The following LRRC8C variants were observed in gnomAD, a reference collection of about 807,000 sequenced individuals.
LRRC8C encodes the protein volume-regulated anion channel subunit LRRC8C.
Under a neutral mutation model 55.3 loss-of-function variants are expected in LRRC8C, and 20 were observed. That is an observed-to-expected ratio of 0.36 (90% confidence interval 0.25 to 0.53). The LOEUF (loss-of-function observed/expected upper bound fraction) is 0.53, where lower values mean the gene tolerates loss of function less well. LRRC8C is among the 20% of genes least tolerant of loss of function. LRRC8C has a pLI of 0.92. For missense variants in LRRC8C, 659 were observed against 951.4 expected, an observed-to-expected ratio of 0.69 and a Z score of 4.04; for synonymous variants, 376 against 360.7, an observed-to-expected ratio of 1.04 and a Z score of -0.48.
chr1:89,663,377 T>A (rs1041232364), intron 1 of LRRC8C, among the ~76,000 whole-genome samples: 3 of 152,058 alleles, frequency 2.0e-5, no homozygotes, highest in Admixed American at 1.3e-4. Flanking sequence ...GAGACCATCC[T>A]GGCTAACACA....
intron 1 of LRRC8C, among the ~76,000 whole-genome samples, chr1:89,651,121 A>T (rs1250221053): frequency 6.6e-6 from 1 of 152,220 alleles, no homozygotes; most frequent in African/African-American, 2.4e-5. Context: ...TCTTGAGGTG[A>T]GCAGGTCTCC....
chr1:89,680,549 C>CTTTTTTTTTTTTTTTTTTTTTTG, intron 1 of LRRC8C, among the ~76,000 whole-genome samples: 1 of 91,870 alleles, frequency 1.1e-5, no homozygotes, highest in Non-Finnish European at 1.9e-5. Flanking sequence ...TGCTTTCATG[C>CTTTTTTTTTTTTTTTTTTTTTTG]TTTTTTTTTT....
chr1:89,674,252 T>A (rs1453594765), intron 1 of LRRC8C, among the ~76,000 whole-genome samples: 1 of 152,192 alleles, frequency 6.6e-6, no homozygotes, highest in East Asian at 1.9e-4. Flanking sequence ...CAATGTAGAT[T>A]TGAGAGACCA....
At chr1:89,631,692 C>G (rs181446324), upstream of LRRC8C, 3 of 151,968 alleles carry the variant, frequency 2.0e-5, no homozygotes, top group African/African-American at 2.4e-5. Context: ...AGGAGGTAAG[C>G]CCGGACCTAA....
At chr1:89,660,098 G>A (rs72712569) in intron 1 of LRRC8C, among the ~76,000 whole-genome samples, 1 of 151,974 alleles carries the variant, frequency 6.6e-6, no homozygotes, top group African/African-American at 2.4e-5. Context: ...GGTGGGCTGT[G>A]TGGGGAAGCC....
intron 1 of LRRC8C, among the ~76,000 whole-genome samples, chr1:89,669,797 T>C (rs1557655507): frequency 6.6e-6 from 1 of 152,188 alleles, no homozygotes. Context: ...ATTAATATGA[T>C]TGTCTGCCCT....
At chr1:89,691,187 A>G (rs1283635580) in intron 2 of LRRC8C, among the ~76,000 whole-genome samples, 1 of 152,210 alleles carries the variant, frequency 6.6e-6, no homozygotes, top group South Asian at 2.1e-4. Flanking sequence ...CACATAAGCA[A>G]TGTTTTCCAA....
chr1:89,685,285 A>AT (rs1657841989), intron 1 of LRRC8C, among the ~76,000 whole-genome samples: 3 of 52,036 alleles, frequency 5.8e-5, no homozygotes, highest in South Asian at 8.1e-4. Context: ...CGCCCGGCTA[A>AT]TTTTTTGTAT....
rs113549553 is a variant in LRRC8C at position 89,663,518 on chromosome 1, C to T, written c.-4-22952C>T. Reference sequence around the variant, plus strand: ...CCGGGAGGCAGAGCTTGCAGTGAGCCGAGATTGCGCCACTGCACTCCAGCC... The same window carrying T: ...CCGGGAGGCAGAGCTTGCAGTGAGCTGAGATTGCGCCACTGCACTCCAGCC... On this transcript the variant is annotated intron_variant, in intron 1 of 2. Coordinates refer to ENST00000370454, the MANE Select transcript of LRRC8C (RefSeq NM_032270.5). 4.7e-4 allele frequency among the ~76,000 whole-genome samples: 70 copies of T among 149,624 alleles called. 1 individual carries two copies. Among genetic ancestry groups the T allele is most frequent in the African/African-American group, 1.6e-3 (66 of 40,286 alleles).
Position 89,714,739 on chromosome 1 carries a change from T to C in LRRC8C, c.2169T>C (p.Asp723=). The change falls in exon 3 of 3, where the codon GAT becomes GAC. Residue 723 remains aspartate, a synonymous_variant. Transcript: ENST00000370454. The surrounding 1 kb of genome is among the most constrained non-coding windows in gnomAD (Gnocchi z 4.6). ...ITCNKVESLP[D]ELYFCKKLKT... is the part of the protein sequence containing the mutation. ...GTAACAAAGTGGAAAGCCTTCCAGATGAACTCTACTTCTGCAAGAAACTTA... is the reference window on the plus strand; with the variant it reads ...GTAACAAAGTGGAAAGCCTTCCAGACGAACTCTACTTCTGCAAGAAACTTA... The C allele has an allele frequency of 6.2e-7, 1 of 1,614,042 alleles. No homozygotes were observed. The highest frequency in any genetic ancestry group is 8.5e-7 in the Non-Finnish European group (1 of 1,179,950).
At chr1:89,656,109 T>C (rs146572525) in intron 1 of LRRC8C, among the ~76,000 whole-genome samples, 19 of 152,334 alleles carry the variant, frequency 1.2e-4, no homozygotes, top group Admixed American at 1.2e-3. Context: ...ACAACAAAGA[T>C]TCAACATGAG....
chr1:89,684,544 G>A (rs972832807), intron 1 of LRRC8C, among the ~76,000 whole-genome samples: 4 of 152,176 alleles, frequency 2.6e-5, no homozygotes, highest in Non-Finnish European at 5.9e-5. Flanking sequence ...TTCTGAAGTG[G>A]AACTTGGAAG....
intron 1 of LRRC8C, among the ~76,000 whole-genome samples, chr1:89,669,746 C>T (rs563988164): frequency 6.6e-6 from 1 of 152,270 alleles, no homozygotes; most frequent in African/African-American, 2.4e-5. Context: ...TGCTCCCAAC[C>T]ACTATGATTC....
chr1:89,673,360 G>A (rs1251840206), intron 1 of LRRC8C, among the ~76,000 whole-genome samples: 1 of 152,022 alleles, frequency 6.6e-6, no homozygotes, highest in Non-Finnish European at 1.5e-5. Context: ...GACTTCCATA[G>A]GTTTTCAACC....
At chr1:89,627,178 C>T in the LRRC8C span, among the ~76,000 whole-genome samples, 1 of 151,826 alleles carries the variant, frequency 6.6e-6, no homozygotes, top group Non-Finnish European at 1.5e-5. Context: ...AGACAAAACC[C>T]AAATATAATC....
chr1:89,714,894 G>C lies in LRRC8C; in HGVS notation c.2324G>C (p.Arg775Pro). ...EILPPELGDC[R>P]ALKRAGLVVE... ...CTCCCTCCTGAACTGGGTGACTGTCGGGCTCTGAAGCGAGCTGGTTTAGTT... is the reference window on the plus strand; with the variant it reads ...CTCCCTCCTGAACTGGGTGACTGTCCGGCTCTGAAGCGAGCTGGTTTAGTT... Residue 775 changes from arginine (R) to proline (P), a missense_variant, in exon 3 of 3, where the codon CGG becomes CCG. Around this residue, in one of 5 missense-constraint regions of LRRC8C, gnomAD observed 344 missense variants for 464.6 expected, o/e 0.74. Coordinates refer to ENST00000370454, the MANE Select transcript of LRRC8C (RefSeq NM_032270.5). The surrounding 1 kb of genome is among the most constrained non-coding windows in gnomAD (Gnocchi z 4.6). 3 of 1,613,998 alleles carry C rather than the reference G, an allele frequency of 1.9e-6. No homozygotes were observed. Among genetic ancestry groups the C allele is most frequent in the Non-Finnish European group, 1.7e-6 (2 of 1,179,982 alleles).
At chr1:89,640,316 G>C (rs901178967) in intron 1 of LRRC8C, among the ~76,000 whole-genome samples, 4 of 152,146 alleles carry the variant, frequency 2.6e-5, no homozygotes, top group Admixed American at 2.6e-4. Context: ...ACCCACCTCA[G>C]CTTCCCAAAG....
At chr1:89,674,504 C>T (rs1049154991) in intron 1 of LRRC8C, among the ~76,000 whole-genome samples, 2 of 152,184 alleles carry the variant, frequency 1.3e-5, no homozygotes, top group Non-Finnish European at 2.9e-5. Context: ...CCTTTAGATA[C>T]AAAGCCTTGC....
At chr1:89,705,830 A>G (rs1422691634) in intron 2 of LRRC8C, among the ~76,000 whole-genome samples, 2 of 152,132 alleles carry the variant, frequency 1.3e-5, no homozygotes, top group African/African-American at 4.8e-5. Flanking sequence ...TGGTAGCAAA[A>G]AAATAAAATA....
Sources: gnomAD v4.1 joint callset for allele counts (sites outside exome capture counted in the v4.1 genomes callset) on GRCh38, gnomAD v4.1.1 for gene constraint, gnomAD v4.1.1 regional missense constraint, Gnocchi (gnomAD v3.1) non-coding constraint, MANE v1.5 for transcripts, NCBI Gene and HGNC (gene_info 2026-07-23, HGNC 2026-07-21) for gene names.